The following CTDSP2 variants were observed in gnomAD, a reference collection of about 807,000 sequenced individuals.
CTDSP2 encodes carboxy-terminal domain RNA polymerase II polypeptide A small phosphatase 2.
A neutral mutation model predicts 31.6 loss-of-function variants in CTDSP2; 9 were observed. That is an observed-to-expected ratio of 0.28 (90% confidence interval 0.17 to 0.50). The LOEUF is 0.50. CTDSP2 is among the 20% of genes least tolerant of loss of function. CTDSP2 has a pLI of 0.98. For missense variants in CTDSP2, 267 were observed against 348.5 expected, an observed-to-expected ratio of 0.77 and a Z score of 1.86; for synonymous variants, 134 against 134.5, an observed-to-expected ratio of 1.00 and a Z score of 0.03.
intron 1 of CTDSP2, among the ~76,000 whole-genome samples, chr12:57,830,241 C>T (rs1565845862): frequency 6.6e-6 from 1 of 152,022 alleles, no homozygotes; most frequent in African/African-American, 2.4e-5. Flanking sequence ...AAAAATTAGC[C>T]AGGTGAGGTG....
chr12:57,830,486 G>C (rs1341080944), intron 1 of CTDSP2, among the ~76,000 whole-genome samples: 1 of 152,136 alleles, frequency 6.6e-6, no homozygotes, highest in Non-Finnish European at 1.5e-5. Flanking sequence ...AGGAACTCCA[G>C]AGCAGCCCCA....
rs1956134714 is a variant in CTDSP2 at position 57,820,116 on chromosome 12, CCCTACCCT to C, written c.*3478_*3485del. The C allele has an allele frequency of 6.6e-6, 1 of 152,614 alleles. No homozygotes were observed. The highest frequency in any genetic ancestry group is 6.5e-5 in the Admixed American group (1 of 15,288). 9.5% of individuals were successfully genotyped at this position (152,614 alleles called of 1,614,324 possible). On this transcript the variant is annotated 3_prime_UTR_variant, in exon 8 of 8. Transcript: ENST00000398073. ...GCCCAGTCACAGTGGGAAGCAGATCCCCTACCCTCCAAATGGCATCTTGAAGGGGGAAA... is the reference window on the plus strand; with the variant it reads ...GCCCAGTCACAGTGGGAAGCAGATCCCCAAATGGCATCTTGAAGGGGGAAA...
intron 6 of CTDSP2, 57 bp downstream of exon 6, chr12:57,824,170 G>A: frequency 6.2e-7 from 1 of 1,608,694 alleles, no homozygotes. Flanking sequence ...GGAGCTGCTG[G>A]ACCACCCCCG....
intron 1 of CTDSP2, chr12:57,845,297 T>A (rs1230843632): frequency 1.3e-5 from 2 of 152,238 alleles, no homozygotes; most frequent in African/African-American, 4.8e-5. Context: ...TGCCGCTATT[T>A]TGGACACATT....
chr12:57,832,790 T>TAAAAAAAA lies in CTDSP2; in HGVS notation c.65-3202_65-3195dup, dbSNP rs61390174. ...CTGGGCAACAGAGCGAGACTCTGGC[T>TAAAAAAAA]AAAAAAAAAAAAAAAAAAAAAAAAA... On this transcript the variant is annotated intron_variant, in intron 1 of 7. Transcript: ENST00000398073. Among the ~76,000 whole-genome samples the TAAAAAAAA allele has an allele frequency of 3.1e-3, 138 of 44,892 alleles. 1 individual carries two copies. The highest frequency in any genetic ancestry group is 0.01 in the East Asian group (9 of 868). The allele number at this position is 44,892 out of a possible 152,430, so 29.5% of individuals were successfully genotyped here. A position where few individuals can be genotyped will look rare whatever the true frequency, so the allele number is the denominator to read the frequency against.
intron 1 of CTDSP2, among the ~76,000 whole-genome samples, chr12:57,832,268 G>C (rs1003785528): frequency 6.6e-6 from 1 of 152,220 alleles, no homozygotes; most frequent in Non-Finnish European, 1.5e-5. Context: ...TCACTTTCAA[G>C]CTCCTGGCTC....
chr12:57,827,544 T>G lies in CTDSP2; in HGVS notation c.252+8A>C. On this transcript the variant is annotated splice_region_variant and intron_variant, in intron 3 of 7. Coordinates refer to ENST00000398073, the MANE Select transcript of CTDSP2 (RefSeq NM_005730.4). Reference sequence around the variant, plus strand: ...CTTCTGAGTACTTACCAGGCCAGAGTCACGTACCTGGTAGAACTGGTACTG... The same window carrying G: ...CTTCTGAGTACTTACCAGGCCAGAGGCACGTACCTGGTAGAACTGGTACTG... 6.2e-7 allele frequency: 1 copy of G among 1,613,800 alleles called. No homozygotes were observed. Among genetic ancestry groups the G allele is most frequent in the South Asian group, 1.1e-5 (1 of 91,048 alleles).
At chr12:57,837,418 A>G (rs1956254865) in intron 1 of CTDSP2, among the ~76,000 whole-genome samples, 1 of 152,210 alleles carries the variant, frequency 6.6e-6, no homozygotes. Context: ...CTGCATGGGC[A>G]TTTTTTGAAA....
At chr12:57,844,908 C>CT (rs1341254101) in intron 1 of CTDSP2, among the ~76,000 whole-genome samples, 11 of 144,838 alleles carry the variant, frequency 7.6e-5, no homozygotes, top group Non-Finnish European at 1.5e-5. Flanking sequence ...TCCCCCCACC[C>CT]TTCCCCCCTC....
intron 5 of CTDSP2, chr12:57,824,632 CAAG>C (rs1956171569): frequency 1.7e-6 from 1 of 575,440 alleles, no homozygotes; most frequent in Non-Finnish European, 3.5e-6. Flanking sequence ...AACAAGTAAT[CAAG>C]AATAGGCCTC....
At chr12:57,831,103 TAAAAAAAA>T (rs11309444) in intron 1 of CTDSP2, among the ~76,000 whole-genome samples, 1 of 121,658 alleles carries the variant, frequency 8.2e-6, no homozygotes, top group Non-Finnish European at 1.7e-5. Flanking sequence ...GCCAAGCAGA[TAAAAAAAA>T]AAAAAAAAAA....
In CTDSP2 at chr12:57,846,410, T is replaced by A; in HGVS notation, c.26A>T (p.Gln9Leu). Residue 9 changes from glutamine (Q) to leucine (L), a missense_variant, in exon 1 of 8, where the codon CAG becomes CTG. This residue lies in a region of CTDSP2 where 111 missense variants were observed against 107.1 expected (regional missense o/e 1.04). Transcript: ENST00000398073. ...CACCAGGGCGTCTTCCCTCCGCGCC[T>A]GGGTGATGATGGAGCCGTGTTCCAT... MEHGSIIT[Q>L]ARREDALVLT... 1 of 1,607,420 alleles carries A rather than the reference T, an allele frequency of 6.2e-7. No homozygotes were observed.
In CTDSP2 at chr12:57,846,504, G is replaced by T; in HGVS notation, c.-69C>A. 1 of 1,354,218 alleles carries T rather than the reference G, an allele frequency of 7.4e-7. No individual in the cohort carries two copies. Among genetic ancestry groups the T allele is most frequent in the Non-Finnish European group, 9.8e-7 (1 of 1,021,062 alleles). The allele number at this position is 1,354,218 out of a possible 1,614,324, so 83.9% of individuals were successfully genotyped here. Reference sequence around the variant, plus strand: ...CGGGCGCGCGGGCTGGGCTGGGCTGGGGGGCCTGGGCGGGGGCCCGCTCCG... The same window carrying T: ...CGGGCGCGCGGGCTGGGCTGGGCTGTGGGGCCTGGGCGGGGGCCCGCTCCG... On this transcript the variant is annotated 5_prime_UTR_variant, in exon 1 of 8. Transcript: ENST00000398073.
intron 1 of CTDSP2, among the ~76,000 whole-genome samples, chr12:57,832,827 A>G (rs1476862137): frequency 6.6e-6 from 1 of 151,000 alleles, no homozygotes; most frequent in Non-Finnish European, 1.5e-5. Flanking sequence ...AAGGAAAAGA[A>G]AAAGAAAAAA....
intron 1 of CTDSP2, among the ~76,000 whole-genome samples, chr12:57,841,187 C>T (rs962284493): frequency 3.9e-5 from 6 of 152,274 alleles, no homozygotes; most frequent in African/African-American, 1.4e-4. Context: ...CAAAGACAAG[C>T]GAGTTAATTC....
chr12:57,843,346 T>C (rs1162412657), intron 1 of CTDSP2, among the ~76,000 whole-genome samples: 2 of 152,216 alleles, frequency 1.3e-5, no homozygotes, highest in African/African-American at 2.4e-5. Flanking sequence ...TTTTTGATGT[T>C]ACACACAATC....
rs1956154521 is a variant in CTDSP2, at chr12:57,822,709, ATT to A, written c.*891_*892del. 1.3e-5 allele frequency: 2 copies of A among 152,254 alleles called. No individual in the cohort carries two copies. Among genetic ancestry groups the A allele is most frequent in the African/African-American group, 4.8e-5 (2 of 41,458 alleles). The allele number at this position is 152,254 out of a possible 1,614,324, so 9.4% of individuals were successfully genotyped here. On this transcript the variant is annotated 3_prime_UTR_variant, in exon 8 of 8. Transcript: ENST00000398073. ...GGGGACACACGTCCACGCTTTGAGG[ATT>A]TGTCTTTTCCCTGCAACCCCAGCGC...
At chr12:57,835,512 C>T (rs781706601) in intron 1 of CTDSP2, among the ~76,000 whole-genome samples, 4 of 152,210 alleles carry the variant, frequency 2.6e-5, no homozygotes, top group East Asian at 1.9e-4. Context: ...AGGACTCCAG[C>T]GGATGCCATG....
chr12:57,846,538 G>C lies in CTDSP2; in HGVS notation c.-103C>G. 1.1e-6 allele frequency: 1 copy of C among 902,586 alleles called. No homozygotes were observed. The highest frequency in any genetic ancestry group is 1.6e-6 in the Non-Finnish European group (1 of 632,814). 55.9% of individuals were successfully genotyped at this position (902,586 alleles called of 1,614,324 possible). A position where few individuals can be genotyped will look rare whatever the true frequency, so the allele number is the denominator to read the frequency against. ...GGCGGGGGCCCGCTCCGGCTCCCGA[G>C]ACTCCGACTTCCACAGCTGTTCACA... On this transcript the variant is annotated 5_prime_UTR_variant, in exon 1 of 8. Coordinates refer to ENST00000398073, the MANE Select transcript of CTDSP2 (RefSeq NM_005730.4).
Sources: allele counts gnomAD v4.1 joint callset (sites outside exome capture counted in the v4.1 genomes callset), GRCh38; gene constraint gnomAD v4.1.1; regional missense constraint gnomAD v4.1.1; transcripts MANE v1.5; gene names NCBI Gene and HGNC (gene_info 2026-07-23, HGNC 2026-07-21).